Variants in LRFN5 observed in about 807,000 individuals in gnomAD.
LRFN5 encodes the protein leucine-rich repeat and fibronectin type-III domain-containing protein 5.
Under a neutral mutation model 45.6 loss-of-function variants are expected in LRFN5, and 24 were observed. The observed-to-expected ratio is 0.53, with a 90% CI of 0.38 to 0.74. LRFN5 has a LOEUF of 0.74. Ranked by LOEUF, LRFN5 falls within the 30% of genes least tolerant of loss-of-function variation. The pLI is 0.00. For missense variants in LRFN5, 776 were observed against 861.5 expected (o/e 0.90, Z 1.24); for synonymous variants, 340 against 313.8 (o/e 1.08, Z -0.88).
At chr14:41,870,682 A>C (rs1889989315) in intron 2 of LRFN5, among the ~76,000 whole-genome samples, 1 of 152,052 alleles carries the variant, frequency 6.6e-6, no homozygotes, top group Non-Finnish European at 1.5e-5. Context: ...CATATCAATA[A>C]CTCTCTTTTT....
intron 2 of LRFN5, among the ~76,000 whole-genome samples, chr14:41,801,911 G>T (rs1440124240): frequency 6.6e-6 from 1 of 152,056 alleles, no homozygotes; most frequent in African/African-American, 2.4e-5. Context: ...GCCAAGGGGT[G>T]TTCACAAGGA....
intron 1 of LRFN5, among the ~76,000 whole-genome samples, chr14:41,618,212 C>A (rs1032198463): frequency 3.3e-5 from 5 of 152,112 alleles, no homozygotes; most frequent in Admixed American, 2.6e-4. Context: ...TCATGTTTTC[C>A]TATCTGTAAG....
chr14:41,762,119 C>G (rs1055178782), intron 1 of LRFN5, among the ~76,000 whole-genome samples: 2 of 149,798 alleles, frequency 1.3e-5, no homozygotes, highest in African/African-American at 4.9e-5. Context: ...CTCTACCCAC[C>G]CTCTGTCTTC....
At chr14:41,700,897 G>A (rs1882815111) in intron 1 of LRFN5, 1 of 152,012 alleles carries the variant, frequency 6.6e-6, no homozygotes, top group Admixed American at 6.6e-5. Context: ...TGATGGCTGT[G>A]GTGGTAGTGA....
intron 1 of LRFN5, among the ~76,000 whole-genome samples, chr14:41,690,537 A>G (rs1204179597): frequency 1.3e-5 from 2 of 152,194 alleles, no homozygotes; most frequent in African/African-American, 4.8e-5. Flanking sequence ...CCTAGGTGAC[A>G]AAGCAACACT....
At chr14:41,660,598 T>C (rs1272932029) in intron 1 of LRFN5, among the ~76,000 whole-genome samples, 1 of 152,056 alleles carries the variant, frequency 6.6e-6, no homozygotes, top group African/African-American at 2.4e-5. Context: ...ACAGTTTGTC[T>C]GTTATTCGTG....
At chr14:41,641,200 G>A (rs17112160) in intron 1 of LRFN5, among the ~76,000 whole-genome samples, 11,068 of 152,098 alleles carry the variant, frequency 0.073, 869 homozygotes, top group African/African-American at 0.2. Flanking sequence ...TTTAGAGGGC[G>A]TTTGAAAACG....
intron 1 of LRFN5, among the ~76,000 whole-genome samples, chr14:41,690,855 A>C (rs61990314): frequency 6.6e-6 from 1 of 152,014 alleles, no homozygotes; most frequent in Non-Finnish European, 1.5e-5. Flanking sequence ...AAACTTCGTA[A>C]GTTTTATTAT....
rs1363408965 is a variant in LRFN5 at position 41,891,282 on chromosome 14, T to C, written c.1418T>C (p.Val473Ala). The change falls in exon 4 of 6, where the codon GTC (valine) becomes GCC (alanine). Residue 473 changes from valine (V) to alanine (A), a missense_variant. By Grantham distance (64) the Val-to-Ala change is moderately conservative. Around this residue, in one of 2 missense-constraint regions of LRFN5, gnomAD observed 465 missense variants for 456.4 expected, o/e 1.02. Coordinates refer to ENST00000298119, the MANE Select transcript of LRFN5 (RefSeq NM_152447.5). ...MIPPTSKTFL[V>A]NNLAAGTMYD... ...CCTCCTACGAGCAAAACTTTTCTGG[T>C]CAATAATCTGGCTGCTGGAACTATG... 6.2e-7 allele frequency: 1 copy of C among 1,613,992 alleles called. No individual in the cohort carries two copies. Among genetic ancestry groups the C allele is most frequent in the South Asian group, 1.1e-5 (1 of 91,064 alleles).
In LRFN5 at chr14:41,776,038, T is replaced by C. The variant is rs1052643863; in HGVS notation, c.-21+9009T>C. 2.0e-5 allele frequency among the ~76,000 whole-genome samples: 3 copies of C among 152,198 alleles called. No individual in the cohort carries two copies. The South Asian group carries it at 6.2e-4, about 31-fold the overall frequency. On this transcript the variant is annotated intron_variant, in intron 2 of 5. Coordinates refer to ENST00000298119, the MANE Select transcript of LRFN5 (RefSeq NM_152447.5). ...TCTGGAAATTGGTGTGGCCTGAATG[T>C]GTCACTAAGTAGTGATTCCAGCAAA... is the stretch of plus-strand genomic sequence containing the variant.
At chr14:41,809,605 G>A (rs577552000) in intron 2 of LRFN5, among the ~76,000 whole-genome samples, 6 of 151,368 alleles carry the variant, frequency 4.0e-5, no homozygotes, top group African/African-American at 1.2e-4. Flanking sequence ...ACCTCTGGAT[G>A]GTAGCATTAT....
At chr14:41,739,607 A>G (rs897614225) in intron 1 of LRFN5, among the ~76,000 whole-genome samples, 1 of 152,008 alleles carries the variant, frequency 6.6e-6, no homozygotes, top group African/African-American at 2.4e-5. Flanking sequence ...CACCTACATC[A>G]AAGAAGAAGA....
chr14:41,885,059 A>G (rs1483472680), intron 2 of LRFN5, among the ~76,000 whole-genome samples: 6 of 151,822 alleles, frequency 4.0e-5, no homozygotes, highest in Admixed American at 1.3e-4. Flanking sequence ...ACTTCATGCA[A>G]TGGGCTGAGT....
At chr14:41,764,253 TTTACCTATATGA>T (rs1566659234) in intron 1 of LRFN5, among the ~76,000 whole-genome samples, 1 of 152,192 alleles carries the variant, frequency 6.6e-6, no homozygotes, top group Non-Finnish European at 1.5e-5. Flanking sequence ...CATTTTGCTA[TTTACCTATATGA>T]GCTTGCCCAA....
chr14:41,766,176 A>G (rs548010396), intron 1 of LRFN5, among the ~76,000 whole-genome samples: 2 of 152,200 alleles, frequency 1.3e-5, no homozygotes, highest in Non-Finnish European at 2.9e-5. Flanking sequence ...TCAGTGATTG[A>G]ATATCAATTT....
intron 2 of LRFN5, among the ~76,000 whole-genome samples, chr14:41,841,162 G>GC: frequency 6.6e-6 from 1 of 151,518 alleles, no homozygotes; most frequent in East Asian, 1.9e-4. Context: ...CAATAAATAG[G>GC]CTAAAAATAA....
chr14:41,744,200 C>A (rs367711136), intron 1 of LRFN5, among the ~76,000 whole-genome samples: 1 of 151,774 alleles, frequency 6.6e-6, no homozygotes, highest in East Asian at 1.9e-4. Flanking sequence ...AGAAAAAATA[C>A]AAAATTTAAC....
At chr14:41,669,623 C>T (rs1881071490) in intron 1 of LRFN5, among the ~76,000 whole-genome samples, 1 of 151,886 alleles carries the variant, frequency 6.6e-6, no homozygotes, top group African/African-American at 2.4e-5. Flanking sequence ...GTAAGCAATA[C>T]ATTCCACATG....
At position 41,679,681 on chromosome 14, in the gene LRFN5, C is replaced by A. The variant is rs975833373; in HGVS notation, c.-197+71119C>A. Reference sequence around the variant, plus strand: ...AGCTTCAGGTGTGACCCAGCACATTCCCAGCGGTGGTAGCTATGGAAAGGG... The same window carrying A: ...AGCTTCAGGTGTGACCCAGCACATTACCAGCGGTGGTAGCTATGGAAAGGG... On this transcript the variant is annotated intron_variant, in intron 1 of 5. Coordinates refer to ENST00000298119, the MANE Select transcript of LRFN5 (RefSeq NM_152447.5). 3.9e-5 allele frequency among the ~76,000 whole-genome samples: 6 copies of A among 152,036 alleles called. 1 individual carries two copies. Among genetic ancestry groups the A allele is most frequent in the Admixed American group, 2.0e-4 (3 of 15,268 alleles).
Sources: allele counts gnomAD v4.1 joint callset (sites outside exome capture counted in the v4.1 genomes callset), GRCh38; gene constraint gnomAD v4.1.1; regional missense constraint gnomAD v4.1.1; transcripts MANE v1.5; gene names NCBI Gene and HGNC (gene_info 2026-07-23, HGNC 2026-07-21).